MID1: variants seen among roughly 807,000 people sequenced by gnomAD.
MID1 encodes midline 1.
A neutral mutation model predicts 40.4 loss-of-function variants in MID1; 7 were observed. That is an observed-to-expected ratio of 0.17 (90% CI 0.10 to 0.33). The LOEUF (loss-of-function observed/expected upper bound fraction) is 0.33. MID1 is among the 10% of genes least tolerant of loss of function. MID1 has a pLI of 1.00. For synonymous variants in MID1, 229 were observed against 221.2 expected, an observed-to-expected ratio of 1.04 and a Z score of -0.31; for missense variants, 367 against 558.5, an observed-to-expected ratio of 0.66 and a Z score of 3.46.
intron 1 of MID1, among the ~76,000 whole-genome samples, chrX:10,636,911 T>C (rs112131913): frequency 9.7e-6 from 1 of 102,793 alleles, no homozygotes; most frequent in African/African-American, 3.6e-5. Flanking sequence ...TGTGTGTGTG[T>C]GCATGTGTGC....
Position 10,459,631 on chromosome X carries a change from G to A in MID1, c.1447+15C>T. On this transcript the variant is annotated intron_variant, in intron 8 of 9. Coordinates refer to ENST00000317552, the MANE Select transcript of MID1 (RefSeq NM_000381.4). ...AGATAAGACATGACAGCTCTGTTGA[G>A]TTCACAGCACTTACTGTTTGTCTTC... 8.3e-7 allele frequency: 1 copy of A among 1,208,362 alleles called. No homozygotes were observed. Among genetic ancestry groups the A allele is most frequent in the South Asian group, 1.8e-5 (1 of 56,921 alleles).
intron 3 of MID1, among the ~76,000 whole-genome samples, chrX:10,496,139 C>T (rs747885707): frequency 1.8e-4 from 20 of 112,234 alleles, no homozygotes; most frequent in South Asian, 7.4e-4. Context: ...ACAAATTTTC[C>T]GTAAGCAATG....
intron 1 of MID1, among the ~76,000 whole-genome samples, chrX:10,738,694 A>G (rs2043502739): frequency 9.0e-6 from 1 of 111,020 alleles, no homozygotes; most frequent in Non-Finnish European, 1.9e-5. Context: ...GAGGAGAAAC[A>G]GAGTGGCAGA....
chrX:10,772,369 A>G (rs1011406660), intron 1 of MID1, among the ~76,000 whole-genome samples: 10 of 110,491 alleles, frequency 9.1e-5, no homozygotes, highest in Non-Finnish European at 5.7e-5. Flanking sequence ...ATGAGGATCA[A>G]AAAGCATAAG....
At chrX:10,696,281 A>G (rs1212998772) in intron 1 of MID1, among the ~76,000 whole-genome samples, 1 of 111,791 alleles carries the variant, frequency 8.9e-6, no homozygotes, top group East Asian at 2.8e-4. Flanking sequence ...TAAACACACT[A>G]TGCATGCAGC....
rs1410890188 is a variant in MID1, at chrX:10,743,990, T to A, written c.-187+89564A>T. Among the ~76,000 whole-genome samples the A allele has an allele frequency of 7.2e-5, 8 of 111,609 alleles. No homozygotes were observed. The Admixed American group carries it at 7.6e-4, about 11-fold the overall frequency. On this transcript the variant is annotated intron_variant, in intron 1 of 10. Transcript: ENST00000380785. ...AGAAATCTGAGAAGGCAGGGGTTCA[T>A]TTCTTAGTAAATTTGCCCCCTAGGT...
chrX:10,601,878 T>C (rs1935528366), intron 1 of MID1, among the ~76,000 whole-genome samples: 1 of 101,107 alleles, frequency 9.9e-6, no homozygotes, highest in Non-Finnish European at 1.9e-5. Flanking sequence ...GGAATTGGAG[T>C]TTTTGTTTTT....
intron 9 of MID1, among the ~76,000 whole-genome samples, chrX:10,451,187 C>T (rs776088179): frequency 8.9e-6 from 1 of 111,990 alleles, no homozygotes; most frequent in South Asian, 3.8e-4. Flanking sequence ...CCCTCCCGTC[C>T]ATCCTCTCCT....
intron 2 of MID1, among the ~76,000 whole-genome samples, chrX:10,553,301 T>C (rs1456913515): frequency 9.3e-6 from 1 of 108,011 alleles, no homozygotes; most frequent in African/African-American, 3.4e-5. Flanking sequence ...CACACACACA[T>C]ATATATACGT....
chrX:10,603,719 G>A (rs1024786786), intron 1 of MID1, among the ~76,000 whole-genome samples: 1 of 111,344 alleles, frequency 9.0e-6, no homozygotes, highest in South Asian at 3.8e-4. Context: ...AAGCTATAGG[G>A]AGAGAGAGAT....
At chrX:10,629,940 T>C (rs1028726076) in intron 1 of MID1, among the ~76,000 whole-genome samples, 2 of 112,117 alleles carry the variant, frequency 1.8e-5, no homozygotes, top group Non-Finnish European at 3.8e-5. Flanking sequence ...GTGCTTCATA[T>C]AAGAAAAAGA....
rs764171948 is a variant in MID1 at position 10,736,699 on chromosome X, T to A, written c.-187+96855A>T. ...CCTACCTTCATTTCCTTATACTAAC[T>A]AAAGGATTCTTTGAGCTATGGCTTA... On this transcript the variant is annotated intron_variant, in intron 1 of 10. Transcript: ENST00000380785. Among the ~76,000 whole-genome samples the A allele has an allele frequency of 1.5e-4, 17 of 112,518 alleles. No individual in the cohort carries two copies. The East Asian group carries it at 2.5e-3, about 17-fold the overall frequency.
Position 10,449,383 on chromosome X carries a change from T to C in MID1, c.1989A>G (p.Thr663=). Reference sequence around the variant, plus strand: ...GGCCAGACGCTCACGGCAGCTGCTCTGTGCAGTCCAAATGGTCTGGGATAG... The same window carrying C: ...GGCCAGACGCTCACGGCAGCTGCTCCGTGCAGTCCAAATGGTCTGGGATAG... ...GLPIPDHLDC[T]EQLP Residue 663 remains threonine (T), a synonymous_variant, in exon 10 of 10, where the codon ACA becomes ACG. Coordinates refer to ENST00000317552, the MANE Select transcript of MID1 (RefSeq NM_000381.4). 7 of 1,210,588 alleles carry C rather than the reference T, an allele frequency of 5.8e-6. No homozygotes were observed. Among genetic ancestry groups the C allele is most frequent in the Non-Finnish European group, 6.7e-6 (6 of 894,512 alleles).
intron 1 of MID1, among the ~76,000 whole-genome samples, chrX:10,573,508 C>A (rs1602423834): frequency 8.9e-6 from 1 of 112,281 alleles, no homozygotes; most frequent in South Asian, 3.7e-4. Context: ...AAGGATCCAT[C>A]CCCATGACCC....
intron 1 of MID1, among the ~76,000 whole-genome samples, chrX:10,823,749 T>C (rs899104637): frequency 1.2e-4 from 13 of 110,848 alleles, no homozygotes; most frequent in Admixed American, 6.7e-4. Flanking sequence ...CAAGAACTGG[T>C]TGTACTAACA....
rs766290858 is a variant in MID1 at position 10,757,992 on chromosome X, G to T, written c.-187+75562C>A. On this transcript the variant is annotated intron_variant, in intron 1 of 10. Coordinates refer to the MID1 transcript ENST00000380785. Reference sequence around the variant, plus strand: ...TTTATTTATTTATTTTTGAGACAGGGTCTTACTCTGTCACCCAGGCTGGAG... The same window carrying T: ...TTTATTTATTTATTTTTGAGACAGGTTCTTACTCTGTCACCCAGGCTGGAG... Among the ~76,000 whole-genome samples the T allele has an allele frequency of 4.5e-5, 5 of 110,223 alleles. No individual in the cohort carries two copies. In the South Asian group the frequency reaches 1.5e-3, roughly 34 times the overall value.
intron 2 of MID1, among the ~76,000 whole-genome samples, chrX:10,534,232 CT>C (rs1359693905): frequency 8.9e-6 from 1 of 111,907 alleles, no homozygotes; most frequent in Non-Finnish European, 1.9e-5. Flanking sequence ...CAGATACTCA[CT>C]AATGAACATG....
intron 1 of MID1, among the ~76,000 whole-genome samples, chrX:10,667,879 T>C (rs1051176528): frequency 2.7e-5 from 3 of 112,177 alleles, no homozygotes; most frequent in African/African-American, 9.7e-5. Flanking sequence ...TTAAAAGCAA[T>C]AGGGCAATAA....
chrX:10,465,260 C>T (rs185573083), intron 7 of MID1, among the ~76,000 whole-genome samples: 1,098 of 92,309 alleles, frequency 0.012, 23 homozygotes, highest in African/African-American at 0.043. Flanking sequence ...CACACACACA[C>T]ATACATATAT....
Sources: gnomAD v4.1 joint callset for allele counts (sites outside exome capture counted in the v4.1 genomes callset) on GRCh38, gnomAD v4.1.1 for gene constraint, MANE v1.5 for transcripts, NCBI Gene and HGNC (gene_info 2026-07-23, HGNC 2026-07-21) for gene names.